BSG: variants seen among roughly 807,000 people sequenced by gnomAD.
BSG encodes the protein basigin.
In BSG, 37 loss-of-function variants were observed where a neutral mutation model predicts 43.1. The ratio of observed to expected loss-of-function variants is 0.86; its 90% confidence interval spans 0.66 to 1.13. The LOEUF (loss-of-function observed/expected upper bound fraction) is 1.13. Among genes scored for constraint, BSG ranks in the 50% most tolerant of loss-of-function variants. The pLI, the probability that BSG is intolerant of heterozygous loss-of-function variation, is 0.00. For missense variants in BSG, 599 were observed against 554.2 expected, an observed-to-expected ratio of 1.08 and a Z score of -0.81; for synonymous variants, 309 against 238.7, an observed-to-expected ratio of 1.29 and a Z score of -2.72.
At chr19:579,087 T>G (rs1982040354) in intron 2 of BSG, 1 of 460,642 alleles carries the variant, frequency 2.2e-6, no homozygotes, top group African/African-American at 2.0e-5. Flanking sequence ...GTGCTGGGGC[T>G]GCTACAAGAG....
Position 572,667 on chromosome 19 carries a change from C to T in BSG, c.33C>T (p.Phe11=), listed in dbSNP as rs765006362. The T allele has an allele frequency of 1.2e-5, 18 of 1,504,374 alleles. No homozygotes were observed. Among genetic ancestry groups the T allele is most frequent in the Non-Finnish European group, 1.5e-5 (17 of 1,124,862 alleles). The allele number at this position is 1,504,374 out of a possible 1,614,324, so 93.2% of individuals were successfully genotyped here. Residue 11 remains phenylalanine, a synonymous_variant, in exon 1 of 9, where the codon TTC becomes TTT. Transcript: ENST00000333511. MAAALFVLLG[F]ALLGTHGASG... is the part of the protein sequence containing the mutation. ...CTGCGCTGTTCGTGCTGCTGGGATTCGCGCTGCTGGGCACCCACGGAGCCT... is the reference window on the plus strand; with the variant it reads ...CTGCGCTGTTCGTGCTGCTGGGATTTGCGCTGCTGGGCACCCACGGAGCCT...
Position 579,605 on chromosome 19 carries a change from G to GGGGCGTGGTGCTGAAGGA in BSG, c.524_541dup (p.Gly175_Glu180dup). 2 of 1,612,608 alleles carry GGGGCGTGGTGCTGAAGGA rather than the reference G, an allele frequency of 1.2e-6. No homozygotes were observed. Among genetic ancestry groups the GGGGCGTGGTGCTGAAGGA allele is most frequent in the Non-Finnish European group, 1.7e-6 (2 of 1,179,870 alleles). ...GTCACAGGGCACCGCTGGCTGAAGG[G>GGGGCGTGGTGCTGAAGGA]GGGCGTGGTGCTGAAGGAGGACGCG... On this transcript the variant is annotated inframe_insertion, in exon 3 of 9. Transcript: ENST00000333511.
At chr19:572,463 AGCGTGTGCGC>A (rs928900802), upstream of BSG, 37 of 1,161,436 alleles carry the variant, frequency 3.2e-5, no homozygotes, top group Admixed American at 1.3e-3. Context: ...CGTACATGCG[AGCGTGTGCGC>A]GCGTGCGCAG....
upstream of BSG, among the ~76,000 whole-genome samples, chr19:571,937 AGAG>A (rs894734912): frequency 6.6e-6 from 1 of 152,198 alleles, no homozygotes; most frequent in Non-Finnish European, 1.5e-5. Flanking sequence ...GAGTTTCTGA[AGAG>A]GAACTTACTT....
intron 3 of BSG, chr19:579,959 C>G: frequency 4.5e-6 from 2 of 443,782 alleles, no homozygotes; most frequent in Admixed American, 4.1e-5. Flanking sequence ...CTCCCAGGCT[C>G]TGTGCTCCTG....
rs765352382 is a variant in BSG at position 578,131 on chromosome 19, G to A, written c.415+10G>A. 26 of 1,536,632 alleles carry A rather than the reference G, an allele frequency of 1.7e-5. 1 individual carries two copies. Among genetic ancestry groups the A allele is most frequent in the Middle Eastern group, 3.4e-4 (2 of 5,840 alleles). On this transcript the variant is annotated intron_variant, in intron 2 of 8. Coordinates refer to ENST00000333511, the MANE Select transcript of BSG (RefSeq NM_001728.4). ...GTGCTAGTCCTGGAACGTGAGTGGC[G>A]GGCACCTCCCTCCCCGCCTCCCTCA...
At chr19:572,396 G>A (rs1981318271), upstream of BSG, 1 of 985,164 alleles carries the variant, frequency 1.0e-6, no homozygotes. Context: ...TCCTAGCAAC[G>A]CCGGGTCACG....
In BSG at chr19:580,444, C is replaced by A; in HGVS notation, c.638C>A (p.Ala213Asp). 6.2e-7 allele frequency: 1 copy of A among 1,610,914 alleles called. No individual in the cohort carries two copies. Residue 213 changes from alanine to aspartate, a missense_variant, in exon 4 of 9, where the codon GCC (alanine) becomes GAC (aspartate). By Grantham distance (126) the Ala-to-Asp change is moderately radical. Transcript: ENST00000333511. Reference sequence around the variant, plus strand: ...TTCCTCCCCGAGCCCATGGGCACGGCCAACATCCAGCTCCACGGTGAGTCC... The same window carrying A: ...TTCCTCCCCGAGCCCATGGGCACGGACAACATCCAGCTCCACGGTGAGTCC... The part of the protein sequence containing the change: ...CVFLPEPMGT[A>D]NIQLHGPPRV...
chr19:578,070 G>A lies in BSG; in HGVS notation c.364G>A (p.Ala122Thr), dbSNP rs377178925. The A allele has an allele frequency of 1.9e-6, 3 of 1,607,912 alleles. No homozygotes were observed. Among genetic ancestry groups the A allele is most frequent in the Non-Finnish European group, 2.5e-6 (3 of 1,177,026 alleles). Residue 122 changes from alanine (A) to threonine (T), a missense_variant, in exon 2 of 9, where the codon GCG becomes ACG. Transcript: ENST00000333511. ...CCCGGATCGCAACCACCTGACCCGG[G>A]CGCCCAGGGTCAAGTGGGTCCGCGC... is the stretch of plus-strand genomic sequence containing the variant. ...NDPDRNHLTRAPRVKWVRAQA... is the reference protein window; with the variant it reads ...NDPDRNHLTRTPRVKWVRAQA...
chr19:582,666 C>T (rs1011122829), intron 8 of BSG, 84 bp downstream of exon 8: 2 of 1,400,344 alleles, frequency 1.4e-6, no homozygotes, highest in African/African-American at 2.9e-5. Context: ...TGGGCGGGAT[C>T]TGCTAGCCAG....
chr19:577,670 TC>T, intron 1 of BSG, 103 bp from the exon 2 acceptor site: 1 of 993,968 alleles, frequency 1.0e-6, no homozygotes, highest in Non-Finnish European at 1.3e-6. Context: ...AAGTGGCTTC[TC>T]CACCAGCCCT....
rs1184346313 is a variant in BSG at position 579,381 on chromosome 19, G to A, written c.416-119G>A. 4 of 1,396,210 alleles carry A rather than the reference G, an allele frequency of 2.9e-6. No homozygotes were observed. In the South Asian group the frequency reaches 3.6e-5, roughly 12 times the overall value. 86.5% of individuals were successfully genotyped at this position (1,396,210 alleles called of 1,614,324 possible). The stretch of plus-strand genomic sequence containing the variant: ...GTCCTCGGGGCGTAAGGGCCACGGT[G>A]TATTTTTGGGATGAAAACCAGTCCT... On this transcript the variant is annotated intron_variant, in intron 2 of 8. Coordinates refer to ENST00000333511, the MANE Select transcript of BSG (RefSeq NM_001728.4).
intron 3 of BSG, chr19:579,907 G>A (rs28992470): frequency 0.011 from 5,832 of 545,900 alleles, 48 homozygotes; most frequent in Non-Finnish European, 0.014. Flanking sequence ...TCCCGGGCAC[G>A]AAAGGGCGCC....
Position 577,868 on chromosome 19 carries a change from C to G in BSG, c.162C>G (p.Ile54Met). The change falls in exon 2 of 9, where the codon ATC (isoleucine) becomes ATG (methionine). Residue 54 changes from isoleucine (I) to methionine (M), a missense_variant. By Grantham distance (10) the Ile-to-Met change is conservative. Coordinates refer to ENST00000333511, the MANE Select transcript of BSG (RefSeq NM_001728.4). The stretch of plus-strand genomic sequence containing the variant: ...CCGTGGGCAGCCCGGTGCCCGAGAT[C>G]CAGTGGTGGTTTGAAGGGCAGGGTC... The part of the protein sequence containing the change: ...CEAVGSPVPE[I>M]QWWFEGQGPN... 2 of 1,566,974 alleles carry G rather than the reference C, an allele frequency of 1.3e-6. No individual in the cohort carries two copies. The highest frequency in any genetic ancestry group is 1.7e-6 in the Non-Finnish European group (2 of 1,151,104).
chr19:571,411 T>C, upstream of BSG: 1 of 685,186 alleles, frequency 1.5e-6, no homozygotes, highest in Non-Finnish European at 2.6e-6. Context: ...CGCCCCCACC[T>C]GTGTCGCCCC....
intron 1 of BSG, among the ~76,000 whole-genome samples, 174 bp downstream of exon 1, chr19:572,875 G>C (rs1270316457): frequency 6.6e-6 from 1 of 152,130 alleles, no homozygotes; most frequent in African/African-American, 2.4e-5. Flanking sequence ...TGAAGTCCCA[G>C]GGTTTGAGGG....
intron 1 of BSG, 124 bp downstream of exon 1, chr19:572,825 C>T: frequency 8.6e-7 from 1 of 1,163,180 alleles, no homozygotes; most frequent in Non-Finnish European, 1.1e-6. Flanking sequence ...TGCGAAAGGC[C>T]GGCCCCGGGG....
At chr19:579,910 A>C (rs891739727) in intron 3 of BSG, 11 of 532,562 alleles carry the variant, frequency 2.1e-5, no homozygotes, top group African/African-American at 3.9e-5. Flanking sequence ...CGGGCACGAA[A>C]GGGCGCCACA....
In BSG at chr19:577,767, C is replaced by A; in HGVS notation, c.68-7C>A. The A allele has an allele frequency of 7.1e-7, 1 of 1,411,502 alleles. No individual in the cohort carries two copies. Among genetic ancestry groups the A allele is most frequent in the Non-Finnish European group, 9.2e-7 (1 of 1,081,508 alleles). 87.4% of individuals were successfully genotyped at this position (1,411,502 alleles called of 1,614,324 possible). On this transcript the variant is annotated splice_region_variant and splice_polypyrimidine_tract_variant and intron_variant, in intron 1 of 8. Coordinates refer to ENST00000333511, the MANE Select transcript of BSG (RefSeq NM_001728.4). ...CTAACAAGACCCCACGCGTGCTCTC[C>A]CCACAGCCGGCTTCGTCCAGGCGCC...
Sources: gnomAD v4.1 joint callset for allele counts (sites outside exome capture counted in the v4.1 genomes callset) on GRCh38, gnomAD v4.1.1 for gene constraint, MANE v1.5 for transcripts, NCBI Gene and HGNC (gene_info 2026-07-23, HGNC 2026-07-21) for gene names.